The following PTPRD variants were observed in gnomAD, a reference collection of about 807,000 sequenced individuals.
PTPRD encodes protein tyrosine phosphatase receptor type D.
In PTPRD, 34 loss-of-function variants were observed where a neutral mutation model predicts 214.5. That is an observed-to-expected ratio of 0.16 (90% CI 0.12 to 0.21). PTPRD has a LOEUF of 0.21. Ranked by LOEUF, PTPRD falls within the 10% of genes least tolerant of loss-of-function variation. The probability of loss-of-function intolerance (pLI) is 1.00; values close to 1 mark genes in which losing one functional copy is unlikely to be tolerated. For synonymous variants in PTPRD, 1,128 were observed against 845.7 expected, an observed-to-expected ratio of 1.33 and a Z score of -5.79; for missense variants, 2,545 against 2,398.7, an observed-to-expected ratio of 1.06 and a Z score of -1.27.
intron 3 of PTPRD, among the ~76,000 whole-genome samples, chr9:10,328,945 T>C (rs528877729): frequency 1.3e-5 from 2 of 151,880 alleles, no homozygotes; most frequent in South Asian, 2.1e-4. Context: ...TCTCCAGATA[T>C]GGCTACACTG....
chr9:10,048,637 C>T (rs976486418), intron 3 of PTPRD, among the ~76,000 whole-genome samples: 2 of 151,938 alleles, frequency 1.3e-5, no homozygotes, highest in African/African-American at 4.8e-5. Context: ...AAAAAATCTT[C>T]GAGGAGGTAG....
chr9:10,281,819 G>A (rs1387154269), intron 3 of PTPRD, among the ~76,000 whole-genome samples: 2 of 151,986 alleles, frequency 1.3e-5, no homozygotes, highest in Non-Finnish European at 2.9e-5. Context: ...TGACTCGAAA[G>A]GTTTTTTAAG....
chr9:8,714,115 G>A (rs142068834), intron 12 of PTPRD, among the ~76,000 whole-genome samples: 2 of 152,108 alleles, frequency 1.3e-5, no homozygotes, highest in Admixed American at 6.5e-5. Flanking sequence ...GATGAGAAGC[G>A]GGTCACAAAC....
chr9:8,426,936 G>A (rs57271478), intron 35 of PTPRD, among the ~76,000 whole-genome samples: 2,267 of 152,082 alleles, frequency 0.015, 66 homozygotes, highest in African/African-American at 0.053. Flanking sequence ...AAGACTATAA[G>A]CGCATAGACA....
At chr9:8,901,604 G>A (rs1243512143) in intron 11 of PTPRD, among the ~76,000 whole-genome samples, 1 of 152,136 alleles carries the variant, frequency 6.6e-6, no homozygotes, top group African/African-American at 2.4e-5. Context: ...ACAGAGCAGA[G>A]GCTGGAACGT....
At chr9:9,579,681 C>T (rs1416419985) in intron 7 of PTPRD, among the ~76,000 whole-genome samples, 1 of 152,062 alleles carries the variant, frequency 6.6e-6, no homozygotes, top group African/African-American at 2.4e-5. Flanking sequence ...TCCTACCCTT[C>T]AGTTAGATGT....
At chr9:9,599,061 T>C (rs756349299) in intron 7 of PTPRD, among the ~76,000 whole-genome samples, 33 of 152,170 alleles carry the variant, frequency 2.2e-4, no homozygotes, top group Middle Eastern at 3.4e-3. Flanking sequence ...TGCCCAGAGA[T>C]TATCTAACCA....
chr9:9,281,138 T>C (rs1289245427), intron 9 of PTPRD, among the ~76,000 whole-genome samples: 1 of 151,222 alleles, frequency 6.6e-6, no homozygotes, highest in Non-Finnish European at 1.5e-5. Flanking sequence ...AAAATTAAAA[T>C]GCAGAACTGT....
intron 9 of PTPRD, among the ~76,000 whole-genome samples, chr9:9,280,522 A>G (rs541780377): frequency 7.3e-5 from 11 of 151,352 alleles, no homozygotes; most frequent in Non-Finnish European, 1.3e-4. Context: ...ACACATTACC[A>G]TTTATTTTAG....
chr9:9,806,293 C>G (rs1284130721), intron 5 of PTPRD, among the ~76,000 whole-genome samples: 1 of 152,030 alleles, frequency 6.6e-6, no homozygotes, highest in Non-Finnish European at 1.5e-5. Context: ...AGGCAGTCTC[C>G]CGATACATAG....
In PTPRD at chr9:8,679,908, T is replaced by G. The variant is rs963876332; in HGVS notation, c.65-43064A>C. On this transcript the variant is annotated intron_variant, in intron 12 of 45. Coordinates refer to ENST00000381196, the MANE Select transcript of PTPRD (RefSeq NM_002839.4). ...CTCAAATGCACAAATGTACTAATTC[T>G]AATTACCAATATCTTATATTTCACA... Among the ~76,000 whole-genome samples, 5 of 152,348 alleles carry G rather than the reference T, an allele frequency of 3.3e-5. No individual in the cohort carries two copies. In the South Asian group the frequency reaches 1.0e-3, roughly 32 times the overall value.
chr9:9,783,197 C>A (rs560765998), intron 5 of PTPRD, among the ~76,000 whole-genome samples: 1 of 152,216 alleles, frequency 6.6e-6, no homozygotes, highest in South Asian at 2.1e-4. Flanking sequence ...TGATTCTGTG[C>A]ATATTTGCTA....
chr9:8,832,104 ATGTGTG>A lies in PTPRD; in HGVS notation c.-103-98164_-103-98159del, dbSNP rs34699954. On this transcript the variant is annotated intron_variant, in intron 11 of 45. Coordinates refer to ENST00000381196, the MANE Select transcript of PTPRD (RefSeq NM_002839.4). ...CGGTGATTTAAATATGTATGTGTAT[ATGTGTG>A]TGTGTGTGTGTGTGTGTGTGTGTGT... 6.0e-3 allele frequency among the ~76,000 whole-genome samples: 888 copies of A among 148,734 alleles called. 10 individuals are homozygous for A. Among genetic ancestry groups the A allele is most frequent in the Admixed American group, 0.034 (505 of 14,748 alleles).
rs558962885 is a variant in PTPRD, at chr9:10,265,146, G to A, written c.-545+75817C>T. On this transcript the variant is annotated intron_variant, in intron 3 of 45. Transcript: ENST00000381196. ...AAACAGACTAATACAGTATGACACC[G>A]TGACTCCCTTTAGTCAATGAGAAAA... Among the ~76,000 whole-genome samples the A allele has an allele frequency of 1.1e-4, 17 of 152,172 alleles. No homozygotes were observed. The South Asian group carries it at 1.9e-3, about 17-fold the overall frequency.
At chr9:9,139,098 C>CT (rs776296655) in intron 10 of PTPRD, among the ~76,000 whole-genome samples, 3 of 151,740 alleles carry the variant, frequency 2.0e-5, no homozygotes, top group Non-Finnish European at 4.4e-5. Context: ...AGGAGCCCCC[C>CT]TCCCCCCCGC....
intron 3 of PTPRD, among the ~76,000 whole-genome samples, chr9:10,198,559 G>A (rs1433653973): frequency 1.3e-5 from 2 of 152,152 alleles, no homozygotes; most frequent in African/African-American, 4.8e-5. Flanking sequence ...TGGAAAAAAT[G>A]AGAAGCAGGA....
intron 4 of PTPRD, among the ~76,000 whole-genome samples, chr9:9,961,150 A>C (rs2094336815): frequency 6.6e-6 from 1 of 152,198 alleles, no homozygotes; most frequent in African/African-American, 2.4e-5. Flanking sequence ...ATATACATAT[A>C]TATGCATATA....
At chr9:8,564,292 A>G (rs2154215568) in intron 14 of PTPRD, among the ~76,000 whole-genome samples, 1 of 152,320 alleles carries the variant, frequency 6.6e-6, no homozygotes, top group East Asian at 1.9e-4. Flanking sequence ...TTGATTTACA[A>G]TATTTTAAAT....
At chr9:9,672,564 T>C (rs934636992) in intron 7 of PTPRD, among the ~76,000 whole-genome samples, 1 of 152,122 alleles carries the variant, frequency 6.6e-6, no homozygotes, top group Admixed American at 6.6e-5. Context: ...TCCCAACCAA[T>C]TTAACCTTAA....
Sources: gnomAD v4.1 joint callset for allele counts (sites outside exome capture counted in the v4.1 genomes callset) on GRCh38, gnomAD v4.1.1 for gene constraint, MANE v1.5 for transcripts, NCBI Gene and HGNC (gene_info 2026-07-23, HGNC 2026-07-21) for gene names.